TRPM7: variants seen among roughly 807,000 people sequenced by gnomAD.
TRPM7 encodes the protein LTRPC ion channel family member 7.
TRPM7 carries 134 observed loss-of-function variants against 229.7 expected under a neutral mutation model. The observed-to-expected ratio is 0.58, with a 90% confidence interval of 0.51 to 0.67. The LOEUF (loss-of-function observed/expected upper bound fraction) is 0.67, where lower values mean the gene tolerates loss of function less well. Among genes scored for constraint, TRPM7 ranks in the 30% least tolerant of loss-of-function variants. The pLI is 0.00. For synonymous variants in TRPM7, 699 were observed against 715.2 expected, an observed-to-expected ratio of 0.98 and a Z score of 0.36; for missense variants, 1,901 against 2,210.0, an observed-to-expected ratio of 0.86 and a Z score of 2.80.
intron 13 of TRPM7, among the ~76,000 whole-genome samples, chr15:50,615,878 A>G (rs1444696377): frequency 6.6e-6 from 1 of 152,216 alleles, no homozygotes; most frequent in Non-Finnish European, 1.5e-5. Flanking sequence ...CATGGGCAAC[A>G]AAGGCGAAAC....
chr15:50,660,978 CT>C (rs763937583), intron 2 of TRPM7, among the ~76,000 whole-genome samples: 467 of 142,452 alleles, frequency 3.3e-3, no homozygotes, highest in Middle Eastern at 3.6e-3. Flanking sequence ...ACTACCATTC[CT>C]TTTTTTTTTT....
chr15:50,613,906 A>C (rs1480154236), intron 14 of TRPM7, 65 bp from the exon 15 acceptor site: 1 of 1,558,630 alleles, frequency 6.4e-7, no homozygotes, highest in Non-Finnish European at 8.7e-7. Flanking sequence ...AAAATTCAAG[A>C]ATCAATTTAT....
chr15:50,612,666 C>G lies in TRPM7; in HGVS notation c.1934G>C (p.Gly645Ala). Residue 645 changes from glycine to alanine, a missense_variant, in exon 16 of 39, where the codon GGT becomes GCT. Gly to Ala is a moderately conservative substitution (Grantham distance 60). Around this residue, in one of 8 missense-constraint regions of TRPM7, gnomAD observed 794 missense variants for 881.9 expected, o/e 0.90. Transcript: ENST00000646667. Reference protein sequence around the residue: ...QVMARFLWQHGEESMAKALVA... With the variant: ...QVMARFLWQHAEESMAKALVA... ...TAATGCTTTAGCCATTGATTCTTCA[C>G]CATGTTGCCATAAAAAACGGGCCAT... 1 of 1,614,152 alleles carries G rather than the reference C, an allele frequency of 6.2e-7. No homozygotes were observed. The highest frequency in any genetic ancestry group is 8.5e-7 in the Non-Finnish European group (1 of 1,180,018).
At chr15:50,631,733 T>C (rs775148719) in intron 9 of TRPM7, among the ~76,000 whole-genome samples, 1 of 152,082 alleles carries the variant, frequency 6.6e-6, no homozygotes, top group Non-Finnish European at 1.5e-5. Flanking sequence ...AAATGGCAAA[T>C]ATACTAAAAA....
intron 3 of TRPM7, among the ~76,000 whole-genome samples, chr15:50,654,060 C>T (rs145954947): frequency 4.3e-3 from 657 of 152,180 alleles, no homozygotes; most frequent in Non-Finnish European, 6.1e-3. Context: ...CCTGAATGGA[C>T]AAAAGAATCT....
intron 4 of TRPM7, 39 bp from the exon 5 acceptor site, chr15:50,643,592 G>T: frequency 6.5e-7 from 1 of 1,548,822 alleles, no homozygotes; most frequent in Non-Finnish European, 8.9e-7. Flanking sequence ...AATTGAACAT[G>T]TTCACAGGTT....
rs1441765860 is a variant in TRPM7 at position 50,561,673 on chromosome 15, T to C, written c.*5A>G. The C allele has an allele frequency of 6.2e-7, 1 of 1,603,312 alleles. No homozygotes were observed. Among genetic ancestry groups the C allele is most frequent in the Non-Finnish European group, 8.5e-7 (1 of 1,177,532 alleles). On this transcript the variant is annotated 3_prime_UTR_variant, in exon 39 of 39. Transcript: ENST00000646667. ...GGCAAAACCAATGATTCAGTAATAT[T>C]AATATTATAACATCAGACGAACAGA...
rs1380807590 is a variant in TRPM7 at position 50,614,150 on chromosome 15, T to C, written c.1608A>G (p.Ile536Met). Residue 536 changes from isoleucine (I) to methionine (M), a missense_variant, in exon 14 of 39, where the codon ATA becomes ATG. Physicochemically the swap from Ile to Met is conservative, Grantham distance 10 (BLOSUM62 1). Coordinates refer to ENST00000646667, the MANE Select transcript of TRPM7 (RefSeq NM_017672.6). The stretch of plus-strand genomic sequence containing the variant: ...GATTATTTCCACCAAGACTATTATA[T>C]ATTAATCGAAAACGTTTCCTAGTAT... ...CTYTRKRFRL[I>M]YNSLGGNNRR... 5.6e-6 allele frequency: 9 copies of C among 1,609,738 alleles called. No homozygotes were observed. The East Asian group carries it at 1.1e-4, about 20-fold the overall frequency.
chr15:50,575,156 G>C, intron 33 of TRPM7, 21 bp from the exon 34 acceptor site: 2 of 1,532,182 alleles, frequency 1.3e-6, no homozygotes, highest in Non-Finnish European at 1.8e-6. Context: ...AATGGAAAAA[G>C]TTTAAGATTA....
At chr15:50,584,390 A>T (rs994766562) in intron 28 of TRPM7, among the ~76,000 whole-genome samples, 1 of 152,210 alleles carries the variant, frequency 6.6e-6, no homozygotes, top group African/African-American at 2.4e-5. Flanking sequence ...GATTTAACCA[A>T]AACTGTAACT....
At chr15:50,678,002 G>A (rs112559212) in intron 1 of TRPM7, among the ~76,000 whole-genome samples, 3,070 of 151,926 alleles carry the variant, frequency 0.02, 119 homozygotes, top group African/African-American at 0.071. Context: ...CACTTTGGGA[G>A]GCCGAGGCGG....
chr15:50,676,232 T>C (rs1488202281), intron 1 of TRPM7, among the ~76,000 whole-genome samples: 2 of 152,152 alleles, frequency 1.3e-5, no homozygotes, highest in Non-Finnish European at 2.9e-5. Context: ...TAGATGCTGC[T>C]AGCAAAAATT....
In TRPM7 at chr15:50,593,662, T is replaced by C. The variant is rs186925744; in HGVS notation, c.3563A>G (p.Lys1188Arg). ...TCTCTCTTCACTCCCAGAATGAAAT[T>C]TGTCATCTTTTTCATTGAAATACAT... ...VEMYFNEKDDKFHSGSEERIR... is the reference protein window; with the variant it reads ...VEMYFNEKDDRFHSGSEERIR... Residue 1188 changes from lysine (K) to arginine (R), a missense_variant, in exon 25 of 39, where the codon AAA (lysine) becomes AGA (arginine). Lys to Arg is a conservative substitution (Grantham distance 26). Transcript: ENST00000646667. 29 of 1,612,014 alleles carry C rather than the reference T, an allele frequency of 1.8e-5. No individual in the cohort carries two copies. The East Asian group carries it at 4.0e-4, about 22-fold the overall frequency.
intron 7 of TRPM7, among the ~76,000 whole-genome samples, chr15:50,635,836 G>A (rs2060886049): frequency 6.6e-6 from 1 of 151,664 alleles, no homozygotes; most frequent in East Asian, 1.9e-4. Flanking sequence ...AAATTAGCTG[G>A]GGCGTGGTGG....
intron 24 of TRPM7, 58 bp from the exon 25 acceptor site, chr15:50,593,807 C>A: frequency 1.3e-6 from 2 of 1,517,510 alleles, no homozygotes; most frequent in Non-Finnish European, 1.8e-6. Flanking sequence ...TCAACTTTAG[C>A]TCATAATTCT....
At chr15:50,645,836 A>G (rs1354815150) in intron 4 of TRPM7, among the ~76,000 whole-genome samples, 1 of 152,158 alleles carries the variant, frequency 6.6e-6, no homozygotes. Context: ...AAACTAGAAA[A>G]AAGAACAATA....
At chr15:50,621,107 C>A (rs570604585) in intron 12 of TRPM7, among the ~76,000 whole-genome samples, 2 of 142,528 alleles carry the variant, frequency 1.4e-5, no homozygotes, top group African/African-American at 5.3e-5. Flanking sequence ...CTGCAGTGAG[C>A]CAAGATCGCG....
intron 1 of TRPM7, among the ~76,000 whole-genome samples, chr15:50,682,197 G>C (rs549629923): frequency 3.4e-3 from 214 of 62,590 alleles, no homozygotes; most frequent in African/African-American, 0.012. Flanking sequence ...AAAAAGGACT[G>C]TGACCTGGCA....
Position 50,604,923 on chromosome 15 carries a change from T to C in TRPM7, c.2931A>G (p.Leu977=). 6.2e-7 allele frequency: 1 copy of C among 1,612,192 alleles called. No homozygotes were observed. The highest frequency in any genetic ancestry group is 8.5e-7 in the Non-Finnish European group (1 of 1,179,156). Residue 977 remains leucine, a synonymous_variant, in exon 21 of 39, where the codon CTA becomes CTG. Coordinates refer to ENST00000646667, the MANE Select transcript of TRPM7 (RefSeq NM_017672.6). ...LNIIFWYVRL[L]DFLAVNQQAG... The stretch of plus-strand genomic sequence containing the variant: ...CCTGTTGATTTACAGCTAGAAAATC[T>C]AGCAAACGCACATACCAAAATATTA...
Sources: allele counts gnomAD v4.1 joint callset (sites outside exome capture counted in the v4.1 genomes callset), GRCh38; gene constraint gnomAD v4.1.1; regional missense constraint gnomAD v4.1.1; transcripts MANE v1.5; gene names NCBI Gene and HGNC (gene_info 2026-07-23, HGNC 2026-07-21).